Variants in HECW2 observed in about 807,000 individuals in gnomAD.
HECW2 encodes the protein E3 ubiquitin-protein ligase HECW2.
In HECW2, 61 loss-of-function variants were observed where a neutral mutation model predicts 175.2. The observed-to-expected ratio is 0.35, with a 90% confidence interval of 0.28 to 0.43. The LOEUF (loss-of-function observed/expected upper bound fraction) is 0.43. Among genes scored for constraint, HECW2 ranks in the 20% least tolerant of loss-of-function variants. The probability of loss-of-function intolerance (pLI) is 1.00; values close to 1 mark genes in which losing one functional copy is unlikely to be tolerated. For synonymous variants in HECW2, 671 were observed against 731.0 expected, an observed-to-expected ratio of 0.92 and a Z score of 1.32; for missense variants, 1,524 against 2,000.5, an observed-to-expected ratio of 0.76 and a Z score of 4.54.
At chr2:196,447,079 A>T (rs1696208411) in intron 1 of HECW2, among the ~76,000 whole-genome samples, 1 of 152,232 alleles carries the variant, frequency 6.6e-6, no homozygotes, top group Non-Finnish European at 1.5e-5. Flanking sequence ...GTGAATAAGG[A>T]AACAGTTCTC....
At position 196,460,408 on chromosome 2, in the gene HECW2, A is replaced by G. The variant is rs145824231; in HGVS notation, c.-35-26950T>C. 1.3e-4 allele frequency among the ~76,000 whole-genome samples: 20 copies of G among 152,326 alleles called. No homozygotes were observed. In the East Asian group the frequency reaches 3.9e-3, roughly 29 times the overall value. On this transcript the variant is annotated intron_variant, in intron 1 of 28. Transcript: ENST00000644978. Reference sequence around the variant, plus strand: ...CTAATTAGAAGGCCATCTCATCTACAAGCCATGAGGAATAATTTCCAATGA... The same window carrying G: ...CTAATTAGAAGGCCATCTCATCTACGAGCCATGAGGAATAATTTCCAATGA...
chr2:196,317,397 G>C, intron 9 of HECW2, 28 bp from the exon 10 acceptor site: 1 of 1,518,216 alleles, frequency 6.6e-7, no homozygotes, highest in African/African-American at 1.4e-5. Flanking sequence ...AAGTTACCAG[G>C]TATTGTTTTC....
intron 28 of HECW2, among the ~76,000 whole-genome samples, chr2:196,209,625 G>T (rs1575222965): frequency 6.6e-6 from 1 of 152,180 alleles, no homozygotes; most frequent in Non-Finnish European, 1.5e-5. Flanking sequence ...CACACGAAAA[G>T]CCACATCAGC....
At chr2:196,452,907 A>G (rs1342607931) in intron 1 of HECW2, among the ~76,000 whole-genome samples, 2 of 152,148 alleles carry the variant, frequency 1.3e-5, no homozygotes, top group Non-Finnish European at 2.9e-5. Flanking sequence ...GAGCAAATCA[A>G]TGCCAGGGCT....
At chr2:196,516,742 G>T (rs1688164378) in intron 1 of HECW2, among the ~76,000 whole-genome samples, 1 of 152,168 alleles carries the variant, frequency 6.6e-6, no homozygotes, top group Non-Finnish European at 1.5e-5. Flanking sequence ...AGGATGTGTT[G>T]CTTGGTAACA....
intron 2 of HECW2, among the ~76,000 whole-genome samples, chr2:196,399,803 T>A (rs1694770045): frequency 5.3e-5 from 8 of 152,196 alleles, no homozygotes; most frequent in Admixed American, 5.2e-4. Flanking sequence ...TATAAGCAAG[T>A]ATTAACGTAT....
intron 1 of HECW2, among the ~76,000 whole-genome samples, chr2:196,497,502 T>C (rs1243796287): frequency 6.6e-6 from 1 of 152,202 alleles, no homozygotes; most frequent in Non-Finnish European, 1.5e-5. Flanking sequence ...CAGTATTAGA[T>C]GATGATAATG....
At chr2:196,285,531 A>G (rs1690353261) in intron 14 of HECW2, among the ~76,000 whole-genome samples, 1 of 152,120 alleles carries the variant, frequency 6.6e-6, no homozygotes, top group South Asian at 2.1e-4. Flanking sequence ...TGCTCAAAAA[A>G]AGGCTCATTG....
chr2:196,592,517 T>C (rs7577213), intron 1 of HECW2: 128,859 of 152,404 alleles, frequency 0.85, 54,570 homozygotes, highest in East Asian at 0.96. Flanking sequence ...CAGCCCCAGT[T>C]TGCTCCAGGC....
At chr2:196,400,638 A>AT (rs1694791633) in intron 2 of HECW2, among the ~76,000 whole-genome samples, 1 of 152,174 alleles carries the variant, frequency 6.6e-6, no homozygotes, top group African/African-American at 2.4e-5. Flanking sequence ...CTTGGACTGA[A>AT]TCCCAGTCAC....
At chr2:196,539,069 G>A (rs758590237) in intron 1 of HECW2, among the ~76,000 whole-genome samples, 12 of 152,234 alleles carry the variant, frequency 7.9e-5, no homozygotes, top group Admixed American at 3.3e-4. Flanking sequence ...CAAAAGGCAT[G>A]AATAGTGGCA....
At chr2:196,423,921 A>G (rs906544122) in intron 2 of HECW2, among the ~76,000 whole-genome samples, 2 of 152,048 alleles carry the variant, frequency 1.3e-5, no homozygotes, top group Non-Finnish European at 2.9e-5. Flanking sequence ...AGAAGCCTAC[A>G]TAGAAAACTC....
chr2:196,223,412 GT>G lies in HECW2; in HGVS notation c.4017-1073del, dbSNP rs1226206774. ...ATGCCTACATTAAATCTTTCAGGAT[GT>G]TTAAAAGCAAGAGACGTAAAAAGGA... On this transcript the variant is annotated intron_variant, in intron 23 of 28. Coordinates refer to ENST00000644978, the MANE Select transcript of HECW2 (RefSeq NM_001348768.2). 9.2e-5 allele frequency among the ~76,000 whole-genome samples: 14 copies of G among 152,214 alleles called. 1 individual carries two copies. Among genetic ancestry groups the G allele is most frequent in the South Asian group, 6.2e-4 (3 of 4,828 alleles).
At chr2:196,376,658 C>G (rs1367750343) in intron 2 of HECW2, among the ~76,000 whole-genome samples, 1 of 138,730 alleles carries the variant, frequency 7.2e-6, no homozygotes, top group Non-Finnish European at 1.5e-5. Context: ...AAGGGCCGGG[C>G]ATGGTGGCTC....
intron 2 of HECW2, among the ~76,000 whole-genome samples, chr2:196,431,756 C>T (rs1225127642): frequency 1.3e-5 from 2 of 152,026 alleles, no homozygotes; most frequent in African/African-American, 4.8e-5. Context: ...AGGGAAAATG[C>T]TGTGAAGACT....
rs1690427556 is a variant in HECW2 at position 196,572,670 on chromosome 2, T to C, written c.-36+20838A>G. Among the ~76,000 whole-genome samples, 3 of 152,180 alleles carry C rather than the reference T, an allele frequency of 2.0e-5. No individual in the cohort carries two copies. In the South Asian group the frequency reaches 6.2e-4, roughly 32 times the overall value. On this transcript the variant is annotated intron_variant, in intron 1 of 28. Transcript: ENST00000644978. ...TGTTGAAACCCTACTCCCAATGTGA[T>C]GGTATTTGGAGGTGGAGACTTTGGG...
intron 2 of HECW2, among the ~76,000 whole-genome samples, chr2:196,361,409 A>G (rs904608640): frequency 2.6e-5 from 4 of 152,232 alleles, no homozygotes; most frequent in African/African-American, 9.6e-5. Flanking sequence ...GAACTTTAAA[A>G]TTTGTCAAAA....
At chr2:196,210,632 G>C (rs1687249119) in intron 28 of HECW2, among the ~76,000 whole-genome samples, 1 of 150,036 alleles carries the variant, frequency 6.7e-6, no homozygotes, top group African/African-American at 2.5e-5. Flanking sequence ...TTTTTCTTTT[G>C]AGATGGAGTC....
At chr2:196,231,088 G>A (rs1236417420) in intron 21 of HECW2, among the ~76,000 whole-genome samples, 7 of 27,458 alleles carry the variant, frequency 2.5e-4, no homozygotes, top group East Asian at 1.4e-3. Context: ...GCAGGACTCC[G>A]TCTCAAAAAA....
Sources: gnomAD v4.1 joint callset for allele counts (sites outside exome capture counted in the v4.1 genomes callset) on GRCh38, gnomAD v4.1.1 for gene constraint, MANE v1.5 for transcripts, NCBI Gene and HGNC (gene_info 2026-07-23, HGNC 2026-07-21) for gene names.